Variants in CRTAC1 observed in about 807,000 individuals in gnomAD.
CRTAC1 encodes the protein acidic secreted protein in cartilage.
Under a neutral mutation model 67.8 loss-of-function variants are expected in CRTAC1, and 37 were observed. That is an observed-to-expected ratio of 0.55 (90% CI 0.42 to 0.72). CRTAC1 has a LOEUF of 0.72. CRTAC1 is among the 30% of genes least tolerant of loss of function. The pLI is 0.00. For missense variants in CRTAC1, 780 were observed against 931.6 expected, an observed-to-expected ratio of 0.84 and a Z score of 2.12; for synonymous variants, 348 against 371.0, an observed-to-expected ratio of 0.94 and a Z score of 0.71.
intron 3 of CRTAC1, among the ~76,000 whole-genome samples, chr10:97,926,234 C>T (rs1040429352): frequency 1.3e-5 from 2 of 152,146 alleles, no homozygotes; most frequent in Admixed American, 6.5e-5. Flanking sequence ...AACTGAGTTG[C>T]GGGTCACCCT....
rs1245157340 is a variant in CRTAC1, at chr10:97,997,050, A to T, written c.224+14088T>A. ...AATTGAACAATGAGAACACATGGAC[A>T]CAGGAAGGGGAACATCACACTCTGG... On this transcript the variant is annotated intron_variant, in intron 2 of 14. Coordinates refer to ENST00000370597, the MANE Select transcript of CRTAC1 (RefSeq NM_018058.7). 3.9e-5 allele frequency among the ~76,000 whole-genome samples: 5 copies of T among 126,834 alleles called. No individual in the cohort carries two copies. The East Asian group carries it at 1.3e-3, about 33-fold the overall frequency. 83.2% of individuals were successfully genotyped at this position (126,834 alleles called of 152,430 possible). A position where few individuals can be genotyped will look rare whatever the true frequency, so the allele number is the denominator to read the frequency against.
chr10:97,881,810 C>T (rs572137360), intron 13 of CRTAC1, among the ~76,000 whole-genome samples: 1 of 152,058 alleles, frequency 6.6e-6, no homozygotes, highest in African/African-American at 2.4e-5. Flanking sequence ...TCAGACAGTG[C>T]CCCCCACCAG....
Position 97,936,304 on chromosome 10 carries a change from G to C in CRTAC1, c.287C>G (p.Ala96Gly), listed in dbSNP as rs774938607. Reference protein sequence around the residue: ...DRAQKRLVNIAVDERSSPYYA... With the variant: ...DRAQKRLVNIGVDERSSPYYA... ...GTAGGGTGAGCTGCGCTCATCGACCGCGATGTTCACCAGCCGCTTCTGGGC... is the reference window on the plus strand; with the variant it reads ...GTAGGGTGAGCTGCGCTCATCGACCCCGATGTTCACCAGCCGCTTCTGGGC... The change falls in exon 3 of 15, where the codon GCG (alanine) becomes GGG (glycine). Residue 96 changes from alanine (A) to glycine (G), a missense_variant. Physicochemically the swap from Ala to Gly is moderately conservative, Grantham distance 60. Transcript: ENST00000370597. The C allele has an allele frequency of 6.2e-7, 1 of 1,613,662 alleles. No homozygotes were observed. The highest frequency in any genetic ancestry group is 1.1e-5 in the South Asian group (1 of 91,020).
At chr10:97,916,293 G>C (rs1242179230) in intron 5 of CRTAC1, among the ~76,000 whole-genome samples, 1 of 152,168 alleles carries the variant, frequency 6.6e-6, no homozygotes, top group Admixed American at 6.5e-5. Context: ...TCTTTTCCGG[G>C]GGAAACATAG....
At chr10:97,918,811 T>C (rs895332912) in intron 4 of CRTAC1, among the ~76,000 whole-genome samples, 2 of 151,528 alleles carry the variant, frequency 1.3e-5, no homozygotes, top group African/African-American at 4.9e-5. Flanking sequence ...TTTTTTTGGG[T>C]CTCACTCTGT....
intron 2 of CRTAC1, among the ~76,000 whole-genome samples, chr10:97,993,046 C>T (rs1398434740): frequency 6.6e-6 from 1 of 152,138 alleles, no homozygotes; most frequent in African/African-American, 2.4e-5. Context: ...ATATATACAA[C>T]TTTTATTTGC....
At position 97,918,210 on chromosome 10, in the gene CRTAC1, G is replaced by A. The variant is rs141068944; in HGVS notation, c.559-554C>T. Among the ~76,000 whole-genome samples the A allele has an allele frequency of 5.9e-5, 9 of 152,130 alleles. No individual in the cohort carries two copies. The East Asian group carries it at 1.4e-3, about 23-fold the overall frequency. The stretch of plus-strand genomic sequence containing the variant: ...GATTTGCAGGGGTCCTACTTCCCTC[G>A]TCCCTTCCCTTATTTCCCCTGTATT... On this transcript the variant is annotated intron_variant, in intron 4 of 14. Coordinates refer to ENST00000370597, the MANE Select transcript of CRTAC1 (RefSeq NM_018058.7).
At chr10:97,991,584 C>A (rs746271523) in intron 2 of CRTAC1, among the ~76,000 whole-genome samples, 36 of 152,264 alleles carry the variant, frequency 2.4e-4, no homozygotes, top group Non-Finnish European at 4.6e-4. Context: ...TATTCATACT[C>A]AACACACTAA....
intron 14 of CRTAC1, 69 bp from the exon 15 acceptor site, chr10:97,865,783 G>C: frequency 6.8e-7 from 1 of 1,461,812 alleles, no homozygotes; most frequent in Non-Finnish European, 9.1e-7. Context: ...CAGAGCACCC[G>C]CTTCTGAGTC....
chr10:97,982,580 C>T (rs1442542642), intron 2 of CRTAC1, among the ~76,000 whole-genome samples: 6 of 152,296 alleles, frequency 3.9e-5, no homozygotes, highest in East Asian at 1.9e-4. Context: ...TGGATGAAAG[C>T]GCAACACGTA....
At chr10:98,011,471 C>T (rs959680091) in intron 1 of CRTAC1, 134 bp from the exon 2 acceptor site, 1 of 982,120 alleles carries the variant, frequency 1.0e-6, no homozygotes, top group Non-Finnish European at 1.5e-6. Context: ...AGGCTGCTGG[C>T]TTTCCACAAG....
chr10:97,874,208 C>T (rs2050122154), intron 14 of CRTAC1, among the ~76,000 whole-genome samples: 1 of 152,268 alleles, frequency 6.6e-6, no homozygotes, highest in South Asian at 2.1e-4. Context: ...GTTTCCACGT[C>T]TGAAAAGGAG....
chr10:98,010,182 TGC>T (rs1842878433), intron 2 of CRTAC1, among the ~76,000 whole-genome samples: 1 of 151,904 alleles, frequency 6.6e-6, no homozygotes, highest in African/African-American at 2.4e-5. Flanking sequence ...TGGGATTACA[TGC>T]GCGCGCCACC....
At chr10:97,921,941 G>A (rs963306837) in intron 4 of CRTAC1, among the ~76,000 whole-genome samples, 2 of 149,928 alleles carry the variant, frequency 1.3e-5, no homozygotes, top group African/African-American at 4.9e-5. Context: ...CCTTTGTCCT[G>A]TGGTTAAATG....
intron 2 of CRTAC1, among the ~76,000 whole-genome samples, chr10:98,007,901 A>G (rs1030992360): frequency 6.6e-6 from 1 of 152,224 alleles, no homozygotes; most frequent in East Asian, 1.9e-4. Flanking sequence ...GAAGAGGAAG[A>G]CGAAATGAAT....
chr10:97,984,084 C>T lies in CRTAC1; in HGVS notation c.224+27054G>A, dbSNP rs191001926. On this transcript the variant is annotated intron_variant, in intron 2 of 14. Coordinates refer to ENST00000370597, the MANE Select transcript of CRTAC1 (RefSeq NM_018058.7). ...CTTGCTTAAGAGGAAGAGACAACAG[C>T]CACTGCTTGTTAAACCTCATCTGCT... Among the ~76,000 whole-genome samples the T allele has an allele frequency of 3.9e-5, 6 of 152,312 alleles. No individual in the cohort carries two copies. In the East Asian group the frequency reaches 1.2e-3, roughly 29 times the overall value.
intron 2 of CRTAC1, among the ~76,000 whole-genome samples, chr10:97,984,136 A>G (rs1357295463): frequency 6.6e-6 from 1 of 152,132 alleles, no homozygotes; most frequent in Non-Finnish European, 1.5e-5. Context: ...AAATCCCTAC[A>G]TGGCTATGTC....
rs922098437 is a variant in CRTAC1 at position 98,029,973 on chromosome 10, G to A, written c.24+476C>T. Reference sequence around the variant, plus strand: ...TTCCCAGGGGAGGAAGAGCCAGCCCGCGGGGCTCTTCCCCAGCCTGGAAGC... The same window carrying A: ...TTCCCAGGGGAGGAAGAGCCAGCCCACGGGGCTCTTCCCCAGCCTGGAAGC... On this transcript the variant is annotated intron_variant, in intron 1 of 14. Coordinates refer to ENST00000370597, the MANE Select transcript of CRTAC1 (RefSeq NM_018058.7). This position sits in a 1 kb window ranked among gnomAD's most constrained non-coding sequence, Gnocchi z 4.7. Among the ~76,000 whole-genome samples, 2 of 152,144 alleles carry A rather than the reference G, an allele frequency of 1.3e-5. No individual in the cohort carries two copies. Among genetic ancestry groups the A allele is most frequent in the Non-Finnish European group, 2.9e-5 (2 of 68,008 alleles).
In CRTAC1 at chr10:97,937,850, G is replaced by A. The variant is rs146598887; in HGVS notation, c.225-1484C>T. Reference sequence around the variant, plus strand: ...TCCACAGGGTCCCCCACCTCTTCCTGTGTTTCAGCCTGAATGTGCACATCC... The same window carrying A: ...TCCACAGGGTCCCCCACCTCTTCCTATGTTTCAGCCTGAATGTGCACATCC... On this transcript the variant is annotated intron_variant, in intron 2 of 14. Transcript: ENST00000370597. Among the ~76,000 whole-genome samples, 627 of 152,336 alleles carry A rather than the reference G, an allele frequency of 4.1e-3. 3 individuals carry two copies. Among genetic ancestry groups the A allele is most frequent in the African/African-American group, 0.014 (568 of 41,564 alleles).
Sources: gnomAD v4.1 joint callset for allele counts (sites outside exome capture counted in the v4.1 genomes callset) on GRCh38, gnomAD v4.1.1 for gene constraint, Gnocchi (gnomAD v3.1) non-coding constraint, MANE v1.5 for transcripts, NCBI Gene and HGNC (gene_info 2026-07-23, HGNC 2026-07-21) for gene names.